OOEP: variants seen among roughly 807,000 people sequenced by gnomAD.
OOEP encodes the protein oocyte expressed protein, also known as oocyte-expressed protein homolog.
In OOEP, 16 loss-of-function variants were observed where a neutral mutation model predicts 13.7. That is an observed-to-expected ratio of 1.16 (90% CI 0.79 to 1.77). The LOEUF (loss-of-function observed/expected upper bound fraction) is 1.77, where lower values mean the gene tolerates loss of function less well. OOEP is among the 40% of genes most tolerant of loss of function. OOEP has a pLI of 0.00. For missense variants in OOEP, 195 were observed against 193.1 expected (o/e 1.01, Z -0.06); for synonymous variants, 89 against 77.1 (o/e 1.15, Z -0.81).
rs538186393 is a variant in OOEP at position 73,376,650 on chromosome 6, T to TTTTG, written c.26-7269_26-7266dup. ...ACCAAGCCTGGCTGATTTTTGTGGTTTTTGTTTGTTTGTTTGTTTGAGATG... is the reference window on the plus strand; with the variant it reads ...ACCAAGCCTGGCTGATTTTTGTGGTTTTTGTTTGTTTGTTTGTTTGTTTGAGATG... On this transcript the variant is annotated intron_variant, in intron 2 of 3. Transcript: ENST00000370363. Among the ~76,000 whole-genome samples, 555 of 151,548 alleles carry TTTTG rather than the reference T, an allele frequency of 3.7e-3. 4 individuals carry two copies. Among genetic ancestry groups the TTTTG allele is most frequent in the African/African-American group, 0.013 (528 of 41,234 alleles).
chr6:73,377,410 TAAAC>T (rs1434234249), intron 2 of OOEP, among the ~76,000 whole-genome samples: 1 of 130,606 alleles, frequency 7.7e-6, no homozygotes, highest in Non-Finnish European at 1.6e-5. Context: ...CAGGAGTAGA[TAAAC>T]AACCTGCTCA....
chr6:73,392,619 CTTTTTTTTTTTT>C (rs70994198), intron 2 of OOEP, among the ~76,000 whole-genome samples: 4 of 44,034 alleles, frequency 9.1e-5, no homozygotes, highest in Admixed American at 4.6e-4. Context: ...CCTAGGTAAT[CTTTTTTTTTTTT>C]TTTTTTTTTT....
intron 2 of OOEP, among the ~76,000 whole-genome samples, chr6:73,381,526 CTT>C (rs1035687139): frequency 8.5e-5 from 13 of 152,194 alleles, no homozygotes; most frequent in African/African-American, 2.9e-4. Context: ...TTAGTCCTCA[CTT>C]TGCCAAAAAC....
At chr6:73,390,744 TTTTTTTTTTC>T (rs200135536) in intron 2 of OOEP, among the ~76,000 whole-genome samples, 2,088 of 148,870 alleles carry the variant, frequency 0.014, 105 homozygotes, top group East Asian at 0.12. Context: ...GCCCAGCTAA[TTTTTTTTTTC>T]TTTTTTTTTC....
At chr6:73,373,041 T>A, upstream of OOEP, 5 of 1,291,472 alleles carry the variant, frequency 3.9e-6, no homozygotes, top group African/African-American at 2.9e-5. Context: ...CATTTTCAGC[T>A]TGATATGGTA....
chr6:73,384,789 T>C (rs1769247549), intron 2 of OOEP, among the ~76,000 whole-genome samples: 1 of 151,462 alleles, frequency 6.6e-6, no homozygotes, highest in Non-Finnish European at 1.5e-5. Context: ...CAGGCTGAAG[T>C]GCAGTGGCAC....
intron 2 of OOEP, among the ~76,000 whole-genome samples, chr6:73,388,684 T>C (rs1195996478): frequency 6.6e-6 from 1 of 152,182 alleles, no homozygotes; most frequent in East Asian, 1.9e-4. Context: ...GACTTCGGTT[T>C]CTTCATCGTG....
chr6:73,369,496 A>C (rs1194672521), intron 1 of OOEP, 107 bp downstream of exon 1: 1 of 1,495,356 alleles, frequency 6.7e-7, no homozygotes, highest in Non-Finnish European at 9.2e-7. Flanking sequence ...GCATCACTGC[A>C]ACACTCCTGG....
chr6:73,376,239 TTTTTAA>T (rs1471545827), intron 2 of OOEP, among the ~76,000 whole-genome samples: 2 of 152,140 alleles, frequency 1.3e-5, no homozygotes, highest in Admixed American at 6.6e-5. Flanking sequence ...CTTTATTTAT[TTTTTAA>T]TTTTGTTTTT....
chr6:73,369,306 G>T lies in OOEP; in HGVS notation c.270C>A (p.Asn90Lys), dbSNP rs1379263202. 2 of 1,613,770 alleles carry T rather than the reference G, an allele frequency of 1.2e-6. No homozygotes were observed. Among genetic ancestry groups the T allele is most frequent in the African/African-American group, 2.7e-5 (2 of 74,892 alleles). ...GCCCGAAAACGGTGATTTCGACTAG[G>T]TTCCCTGAGTCCACTATGTCCACTG... is the stretch of plus-strand genomic sequence containing the variant. ...LLTVDIVDSG[N>K]LVEITVFGRP... The change falls in exon 2 of 3, where the codon AAC becomes AAA. Residue 90 changes from asparagine to lysine, a missense_variant. Coordinates refer to ENST00000370359, the MANE Select transcript of OOEP (RefSeq NM_001080507.3).
upstream of OOEP, among the ~76,000 whole-genome samples, chr6:73,371,361 G>A (rs1252966981): frequency 6.6e-6 from 1 of 151,956 alleles, no homozygotes; most frequent in Admixed American, 6.6e-5. Flanking sequence ...CCAGCACTTC[G>A]GGAGGCCAAG....
At chr6:73,376,447 T>C (rs1259966523) in intron 2 of OOEP, among the ~76,000 whole-genome samples, 1 of 139,856 alleles carries the variant, frequency 7.2e-6, no homozygotes, top group Non-Finnish European at 1.5e-5. Flanking sequence ...TGCTGATCCT[T>C]ATACATACAG....
At chr6:73,382,759 G>A (rs1174361908) in intron 2 of OOEP, among the ~76,000 whole-genome samples, 1 of 151,264 alleles carries the variant, frequency 6.6e-6, no homozygotes, top group Non-Finnish European at 1.5e-5. Flanking sequence ...TCACTATGTT[G>A]CCCAGGCTAG....
intron 2 of OOEP, among the ~76,000 whole-genome samples, chr6:73,386,355 A>G (rs1769271936): frequency 6.6e-6 from 1 of 152,100 alleles, no homozygotes; most frequent in South Asian, 2.1e-4. Context: ...TGGCCTCCCA[A>G]AGTGCTGGGA....
chr6:73,376,502 G>A (rs1273451474), intron 2 of OOEP, among the ~76,000 whole-genome samples: 2 of 118,958 alleles, frequency 1.7e-5, no homozygotes, highest in African/African-American at 3.0e-5. Context: ...TATTTGAGAC[G>A]GAGTCTGTTG....
upstream of OOEP, among the ~76,000 whole-genome samples, chr6:73,374,568 G>A (rs1769108805): frequency 6.6e-6 from 1 of 152,148 alleles, no homozygotes; most frequent in African/African-American, 2.4e-5. Context: ...ATATTTGCCT[G>A]TGTGATCATA....
chr6:73,390,095 C>G (rs1038532488), intron 2 of OOEP, among the ~76,000 whole-genome samples: 4 of 152,076 alleles, frequency 2.6e-5, no homozygotes, highest in African/African-American at 9.7e-5. Flanking sequence ...AGGAGAATCA[C>G]TTGAATCCGG....
chr6:73,368,912 C>T, intron 2 of OOEP, 49 bp from the exon 3 acceptor site: 1 of 1,375,462 alleles, frequency 7.3e-7, no homozygotes, highest in Non-Finnish European at 1.0e-6. Context: ...CAAGTGTTTG[C>T]TGTTTCGAAC....
At chr6:73,370,041 C>T (rs1447524158), upstream of OOEP, 1 of 531,648 alleles carries the variant, frequency 1.9e-6, no homozygotes, top group African/African-American at 1.9e-5. Flanking sequence ...CATTTGGCCT[C>T]CTGTTGGGTC....
Sources: allele counts gnomAD v4.1 joint callset (sites outside exome capture counted in the v4.1 genomes callset), GRCh38; gene constraint gnomAD v4.1.1; transcripts MANE v1.5; gene names NCBI Gene and HGNC (gene_info 2026-07-23, HGNC 2026-07-21).